Variants in BSN observed in about 807,000 individuals in gnomAD.
BSN encodes protein bassoon.
In BSN, 57 loss-of-function variants were observed where a neutral mutation model predicts 264.8. The observed-to-expected ratio is 0.22, with a 90% confidence interval of 0.17 to 0.27. The LOEUF is 0.27. Among genes scored for constraint, BSN ranks in the 10% least tolerant of loss-of-function variants. BSN has a pLI of 1.00. For synonymous variants in BSN, 2,059 were observed against 2,137.3 expected (o/e 0.96, Z 1.01); for missense variants, 4,615 against 5,232.5 (o/e 0.88, Z 3.64).
At chr3:49,637,249 G>T (rs2052426659) in intron 2 of BSN, among the ~76,000 whole-genome samples, 1 of 152,140 alleles carries the variant, frequency 6.6e-6, no homozygotes, top group African/African-American at 2.4e-5. Context: ...CTGCTGGGGG[G>T]GTGAGAGGAG....
At chr3:49,562,824 G>A (rs1226262380) in intron 1 of BSN, among the ~76,000 whole-genome samples, 2 of 152,200 alleles carry the variant, frequency 1.3e-5, no homozygotes, top group African/African-American at 2.4e-5. Flanking sequence ...ATGATGTGGA[G>A]GAAGAAGAAT....
intron 2 of BSN, among the ~76,000 whole-genome samples, chr3:49,628,192 G>C (rs2052357156): frequency 1.3e-5 from 2 of 152,200 alleles, no homozygotes; most frequent in Admixed American, 1.3e-4. Flanking sequence ...TTGTTCATGT[G>C]TGTCACTAAT....
At position 49,554,505 on chromosome 3, in the gene BSN, T is replaced by TGGCGGC. The variant is rs1246582173; in HGVS notation, c.-94_-89dup. The stretch of plus-strand genomic sequence containing the variant: ...CGGCGGCGCGAGCCGAGCTGGGAGA[T>TGGCGGC]GGCGGCGGCAGCGGCGGCGCCGAGA... On this transcript the variant is annotated 5_prime_UTR_variant, in exon 1 of 12. Transcript: ENST00000296452. The TGGCGGC allele has an allele frequency of 6.2e-6, 2 of 321,534 alleles. No individual in the cohort carries two copies. The highest frequency in any genetic ancestry group is 8.9e-6 in the Non-Finnish European group (2 of 223,744). The allele number at this position is 321,534 out of a possible 1,614,324, so 19.9% of individuals were successfully genotyped here. A position where few individuals can be genotyped will look rare whatever the true frequency, so the allele number is the denominator to read the frequency against.
intron 1 of BSN, among the ~76,000 whole-genome samples, chr3:49,558,372 G>A (rs769674103): frequency 2.0e-5 from 3 of 152,206 alleles, no homozygotes; most frequent in Non-Finnish European, 2.9e-5. Context: ...TGCCAAAGTC[G>A]CCTCTCTTCA....
chr3:49,611,467 C>A (rs773286494), intron 1 of BSN, among the ~76,000 whole-genome samples: 1 of 152,060 alleles, frequency 6.6e-6, no homozygotes, highest in African/African-American at 2.4e-5. Flanking sequence ...CAGGAGCCTC[C>A]GTGACTTGGG....
intron 1 of BSN, among the ~76,000 whole-genome samples, chr3:49,574,745 C>A (rs1433023955): frequency 6.8e-6 from 1 of 146,294 alleles, no homozygotes; most frequent in African/African-American, 2.5e-5. Context: ...AAGTGATTCT[C>A]TTGCCCCAGC....
Position 49,554,732 on chromosome 3 carries a change from G to T in BSN, c.130G>T (p.Gly44Ter). The change falls in exon 1 of 12, where the codon GGA becomes TGA. Residue 44 changes from glycine to a stop codon, truncating the protein, a stop_gained. Coordinates refer to ENST00000296452, the MANE Select transcript of BSN (RefSeq NM_003458.4). LOFTEE classifies it high-confidence loss of function. The stretch of plus-strand genomic sequence containing the variant: ...GCCGCCTTCAGCACCGGCCGGTGGC[G>T]GACAGCTCCCCGCGGCGGGAGCAGC... ...GKPPSAPAGGGQLPAAGAARS... is the reference protein window; with the variant it reads ...GKPPSAPAGG The T allele has an allele frequency of 8.2e-7, 1 of 1,226,060 alleles. No homozygotes were observed. Among genetic ancestry groups the T allele is most frequent in the South Asian group, 3.4e-5 (1 of 29,186 alleles). 75.9% of individuals were successfully genotyped at this position (1,226,060 alleles called of 1,614,324 possible).
At chr3:49,558,286 C>T (rs1469023659) in intron 1 of BSN, among the ~76,000 whole-genome samples, 1 of 152,212 alleles carries the variant, frequency 6.6e-6, no homozygotes, top group Non-Finnish European at 1.5e-5. Context: ...AGGCTGAGTG[C>T]AGGGTGGTGG....
chr3:49,657,030 G>T lies in BSN; in HGVS notation c.7474G>T (p.Ala2492Ser). ...ACCTGGCCGAGGGCCTCCCCTAGCG[G>T]CTGCTGAGTTGGCCCAGAATGGCCA... ...EAPGRGPPLAAAELAQNGQYW... is the reference protein window; with the variant it reads ...EAPGRGPPLASAELAQNGQYW... Residue 2492 changes from alanine (A) to serine (S), a missense_variant, in exon 5 of 12, where the codon GCT becomes TCT. Around this residue, in one of 3 missense-constraint regions of BSN, gnomAD observed 3,415 missense variants for 3,866.4 expected, o/e 0.88. Coordinates refer to ENST00000296452, the MANE Select transcript of BSN (RefSeq NM_003458.4). The T allele has an allele frequency of 6.2e-7, 1 of 1,610,078 alleles. No individual in the cohort carries two copies. Among genetic ancestry groups the T allele is most frequent in the Non-Finnish European group, 8.5e-7 (1 of 1,177,556 alleles).
At chr3:49,576,000 T>G (rs576671326) in intron 1 of BSN, among the ~76,000 whole-genome samples, 2 of 152,228 alleles carry the variant, frequency 1.3e-5, no homozygotes, top group South Asian at 4.2e-4. Flanking sequence ...CACTGAACAA[T>G]ACGGGAGATA....
chr3:49,631,688 G>T (rs2108063186), intron 2 of BSN, among the ~76,000 whole-genome samples: 1 of 152,300 alleles, frequency 6.6e-6, no homozygotes, highest in Non-Finnish European at 1.5e-5. Flanking sequence ...TTCATGTGAG[G>T]GTTCAGGAGC....
In BSN at chr3:49,661,380, A is replaced by T; in HGVS notation, c.9535A>T (p.Ser3179Cys). Reference protein sequence around the residue: ...VPMSSAPSETSYSGPAVSSGY... With the variant: ...VPMSSAPSETCYSGPAVSSGY... ...CATGTCTTCAGCCCCATCTGAAACC[A>T]GCTACAGTGGCCCAGCAGTGAGCAG... The change falls in exon 6 of 12, where the codon AGC (serine) becomes TGC (cysteine). Residue 3179 changes from serine (S) to cysteine (C), a missense_variant. Physicochemically the swap from Ser to Cys is moderately radical, Grantham distance 112 (BLOSUM62 -1). This residue lies in a region of BSN where 3,415 missense variants were observed against 3,866.4 expected (regional missense o/e 0.88). Transcript: ENST00000296452. The T allele has an allele frequency of 1.2e-6, 2 of 1,613,984 alleles. No individual in the cohort carries two copies. The highest frequency in any genetic ancestry group is 2.2e-5 in the South Asian group (2 of 91,082).
chr3:49,583,093 A>G (rs1487891656), intron 1 of BSN, among the ~76,000 whole-genome samples: 1 of 151,816 alleles, frequency 6.6e-6, no homozygotes, highest in Non-Finnish European at 1.5e-5. Context: ...TTCAGCCTCC[A>G]GAGTAGCTGG....
At chr3:49,554,890 A>G (rs1490313418) in intron 1 of BSN, 64 bp downstream of exon 1, 5 of 982,244 alleles carry the variant, frequency 5.1e-6, no homozygotes, top group Non-Finnish European at 5.1e-6. Context: ...ACCCGGGCCC[A>G]GGATCCCGCG....
In BSN at chr3:49,642,684, C is replaced by G. The variant is rs2052473246; in HGVS notation, c.1050C>G (p.Leu350=). 1 of 1,612,390 alleles carries G rather than the reference C, an allele frequency of 6.2e-7. No homozygotes were observed. The highest frequency in any genetic ancestry group is 8.5e-7 in the Non-Finnish European group (1 of 1,179,252). ...CCCAGGAGGGCCTCACTGGTAAGCT[C>G]TTCGGCCTTGGCGCGTCACTGCTAA... ...EQTQEGLTGK[L]FGLGASLLTQ... is the part of the protein sequence containing the mutation. The change falls in exon 3 of 12, where the codon CTC becomes CTG. Residue 350 remains leucine (L), a synonymous_variant. Coordinates refer to ENST00000296452, the MANE Select transcript of BSN (RefSeq NM_003458.4). The surrounding 1 kb of genome is among the most constrained non-coding windows in gnomAD (Gnocchi z 7.0).
intron 5 of BSN, among the ~76,000 whole-genome samples, chr3:49,658,510 C>G (rs545054309): frequency 2.0e-5 from 3 of 152,208 alleles, no homozygotes; most frequent in African/African-American, 7.2e-5. Context: ...GCTACCTCCC[C>G]CTTTAGGCCT....
Position 49,660,939 on chromosome 3 carries a change from T to A in BSN, c.9094T>A (p.Phe3032Ile), listed in dbSNP as rs755952638. 37 of 1,611,902 alleles carry A rather than the reference T, an allele frequency of 2.3e-5. No homozygotes were observed. In the East Asian group the frequency reaches 7.8e-4, roughly 34 times the overall value. The change falls in exon 6 of 12, where the codon TTT becomes ATT. Residue 3032 changes from phenylalanine to isoleucine, a missense_variant. This residue lies in a region of BSN where 3,415 missense variants were observed against 3,866.4 expected (regional missense o/e 0.88). Coordinates refer to ENST00000296452, the MANE Select transcript of BSN (RefSeq NM_003458.4). This position sits in a 1 kb window ranked among gnomAD's most constrained non-coding sequence, Gnocchi z 7.1. ...GGGCTGCACCACTCCCGCTGGCCAG[T>A]TTGTGGACTTCCCTGCCACTGCCGC... The part of the protein sequence containing the change: ...LQGCTTPAGQ[F>I]VDFPATAAAP...
Position 49,654,473 on chromosome 3 carries a change from C to T in BSN, c.4917C>T (p.Asn1639=). The T allele has an allele frequency of 1.2e-6, 2 of 1,609,102 alleles. No homozygotes were observed. The highest frequency in any genetic ancestry group is 1.7e-6 in the Non-Finnish European group (2 of 1,177,870). ...GCTGGGGTGCCCTCCCTGCTGAGAA[C>T]ATCTCCCTGTGCCGGATCTCCTCTG... ...LYGWGALPAE[N]ISLCRISSVP... Residue 1639 remains asparagine, a synonymous_variant, in exon 5 of 12, where the codon AAC becomes AAT. Transcript: ENST00000296452. The surrounding 1 kb of genome is among the most constrained non-coding windows in gnomAD (Gnocchi z 4.1).
chr3:49,573,012 C>G (rs1044167701), intron 1 of BSN, among the ~76,000 whole-genome samples: 2 of 152,214 alleles, frequency 1.3e-5, no homozygotes, highest in Non-Finnish European at 2.9e-5. Flanking sequence ...GGAGACTTCT[C>G]CACTCCGTCT....
Sources: allele counts gnomAD v4.1 joint callset (sites outside exome capture counted in the v4.1 genomes callset), GRCh38; gene constraint gnomAD v4.1.1; regional missense constraint gnomAD v4.1.1; non-coding constraint Gnocchi (gnomAD v3.1); transcripts MANE v1.5; gene names NCBI Gene and HGNC (gene_info 2026-07-23, HGNC 2026-07-21).